The following DACH2 variants were observed in gnomAD, a reference collection of about 807,000 sequenced individuals.
The protein encoded by DACH2 is dachshund family transcription factor 2.
Under a neutral mutation model 35.8 loss-of-function variants are expected in DACH2, and 17 were observed. The ratio of observed to expected loss-of-function variants is 0.48; its 90% CI spans 0.33 to 0.71. The LOEUF is 0.71. Among genes scored for constraint, DACH2 ranks in the 30% least tolerant of loss-of-function variants. The pLI, the probability that DACH2 is intolerant of heterozygous loss-of-function variation, is 0.02. For synonymous variants in DACH2, 195 were observed against 177.3 expected (o/e 1.10, Z -0.79); for missense variants, 469 against 472.7 (o/e 0.99, Z 0.07).
At chrX:86,714,155 A>C (rs1019514467) in intron 5 of DACH2, among the ~76,000 whole-genome samples, 1 of 111,787 alleles carries the variant, frequency 8.9e-6, no homozygotes, top group Non-Finnish European at 1.9e-5. Context: ...AGAAATTGTA[A>C]AGCTGTCAAC....
At chrX:86,740,926 G>A (rs1003540748) in intron 7 of DACH2, among the ~76,000 whole-genome samples, 2 of 111,033 alleles carry the variant, frequency 1.8e-5, no homozygotes, top group African/African-American at 3.3e-5. Context: ...TATAGAAGTC[G>A]ACAGGTACAT....
chrX:86,740,416 A>G (rs976138316), intron 7 of DACH2, among the ~76,000 whole-genome samples: 1 of 106,894 alleles, frequency 9.4e-6, no homozygotes, highest in Admixed American at 1.0e-4. Flanking sequence ...GGTTAGTTAC[A>G]TATGTATACA....
chrX:86,590,149 T>C (rs1414911646), intron 3 of DACH2, among the ~76,000 whole-genome samples: 2 of 111,799 alleles, frequency 1.8e-5, no homozygotes, highest in African/African-American at 6.5e-5. Flanking sequence ...GCTAGTACCT[T>C]GGAAGAGGCT....
chrX:86,443,842 T>A (rs2037212605), intron 2 of DACH2, among the ~76,000 whole-genome samples: 1 of 112,014 alleles, frequency 8.9e-6, no homozygotes, highest in Non-Finnish European at 1.9e-5. Context: ...ATGCCTGGGA[T>A]GAATCCAACT....
chrX:86,180,176 G>GGATATATATA (rs2031434113), intron 1 of DACH2, among the ~76,000 whole-genome samples: 1 of 42,930 alleles, frequency 2.3e-5, no homozygotes, highest in African/African-American at 8.0e-5. Context: ...ATGCTAAACC[G>GGATATATATA]TATATATATA....
At chrX:86,636,630 A>C (rs2040269177) in intron 3 of DACH2, among the ~76,000 whole-genome samples, 1 of 111,529 alleles carries the variant, frequency 9.0e-6, no homozygotes, top group African/African-American at 3.3e-5. Flanking sequence ...TATTCAATAA[A>C]TGATGCTGGG....
chrX:86,425,562 T>G (rs1191958007), intron 2 of DACH2, among the ~76,000 whole-genome samples: 2 of 111,618 alleles, frequency 1.8e-5, no homozygotes, highest in Admixed American at 1.9e-4. Context: ...TATTTGGATC[T>G]TCTCTCTTTT....
chrX:86,549,486 T>C (rs1026916007), intron 3 of DACH2, among the ~76,000 whole-genome samples: 1 of 111,213 alleles, frequency 9.0e-6, no homozygotes, highest in Admixed American at 9.6e-5. Context: ...AAATGTACAA[T>C]TATTTCTGAT....
intron 3 of DACH2, among the ~76,000 whole-genome samples, chrX:86,563,242 G>A (rs1030642186): frequency 1.2e-4 from 13 of 110,157 alleles, no homozygotes; most frequent in African/African-American, 3.9e-4. Context: ...AGTCAATGCC[G>A]TTGACCTAAT....
At chrX:86,437,974 T>A (rs895266896) in intron 2 of DACH2, among the ~76,000 whole-genome samples, 1 of 110,080 alleles carries the variant, frequency 9.1e-6, no homozygotes, top group Non-Finnish European at 1.9e-5. Context: ...GATTATTTTG[T>A]CACCCAGGTA....
At chrX:86,217,200 AT>A (rs1384249804) in intron 1 of DACH2, among the ~76,000 whole-genome samples, 3 of 111,661 alleles carry the variant, frequency 2.7e-5, no homozygotes. Flanking sequence ...ATAATGCATA[AT>A]AAAAGAAGCA....
At chrX:86,451,571 A>G (rs967720727) in intron 2 of DACH2, among the ~76,000 whole-genome samples, 3 of 111,182 alleles carry the variant, frequency 2.7e-5, no homozygotes, top group Non-Finnish European at 5.7e-5. Flanking sequence ...GAGTTTTAAA[A>G]GTTTTTTTCT....
rs193001453 is a variant in DACH2, at chrX:86,248,332, G to A, written c.488+99224G>A. Among the ~76,000 whole-genome samples, 12 of 111,092 alleles carry A rather than the reference G, an allele frequency of 1.1e-4. No individual in the cohort carries two copies. In the East Asian group the frequency reaches 3.4e-3, roughly 32 times the overall value. On this transcript the variant is annotated intron_variant, in intron 1 of 11. Coordinates refer to ENST00000373125, the MANE Select transcript of DACH2 (RefSeq NM_053281.3). ...TCCAAAGCTCCTAGATCTGATAAAT[G>A]ACTTCATCAGTGTTTCAGGATACAA... is the stretch of plus-strand genomic sequence containing the variant.
intron 1 of DACH2, among the ~76,000 whole-genome samples, chrX:86,264,271 T>C (rs2033674740): frequency 8.9e-6 from 1 of 111,972 alleles, no homozygotes. Flanking sequence ...TCTGAATTAA[T>C]GAAAAGTTTG....
chrX:86,264,460 G>A (rs2033677856), intron 1 of DACH2, among the ~76,000 whole-genome samples: 1 of 111,371 alleles, frequency 9.0e-6, no homozygotes, highest in Non-Finnish European at 1.9e-5. Context: ...TTATTTACAT[G>A]TTTAATAATT....
At chrX:86,752,499 A>G (rs996569918) in intron 7 of DACH2, among the ~76,000 whole-genome samples, 10 of 111,956 alleles carry the variant, frequency 8.9e-5, no homozygotes, top group African/African-American at 3.2e-4. Flanking sequence ...AAAGGTACAC[A>G]TAGTTATTCT....
chrX:86,394,851 A>T (rs769624065), intron 2 of DACH2, among the ~76,000 whole-genome samples: 22 of 112,157 alleles, frequency 2.0e-4, no homozygotes, highest in Non-Finnish European at 3.8e-4. Flanking sequence ...AATAAATAAC[A>T]CAAGAACTTT....
At chrX:86,621,625 C>T (rs1384317996) in intron 3 of DACH2, among the ~76,000 whole-genome samples, 1 of 111,677 alleles carries the variant, frequency 9.0e-6, no homozygotes, top group Non-Finnish European at 1.9e-5. Flanking sequence ...TACTTATTCA[C>T]CATGTGATCT....
chrX:86,315,788 GACACACACACACACACACAC>G (rs774427717), intron 1 of DACH2, among the ~76,000 whole-genome samples: 787 of 78,496 alleles, frequency 0.01, 10 homozygotes, highest in African/African-American at 0.034. Flanking sequence ...GAGGGTCGTG[GACACACACACACACACACAC>G]ACACACACAC....
Sources: allele counts gnomAD v4.1 joint callset (sites outside exome capture counted in the v4.1 genomes callset), GRCh38; gene constraint gnomAD v4.1.1; transcripts MANE v1.5; gene names NCBI Gene and HGNC (gene_info 2026-07-23, HGNC 2026-07-21).